Variants in PALS2 observed in about 807,000 individuals in gnomAD.
PALS2 encodes protein associated with LIN7 2, MAGUK p55 family member, also known as protein PALS2.
PALS2 carries 27 observed loss-of-function variants against 61.6 expected under a neutral mutation model. The observed-to-expected ratio is 0.44, with a 90% CI of 0.32 to 0.60. PALS2 has a LOEUF of 0.60. Among genes scored for constraint, PALS2 ranks in the 20% least tolerant of loss-of-function variants. The probability of loss-of-function intolerance (pLI) is 0.05; values close to 1 mark genes in which losing one functional copy is unlikely to be tolerated. For synonymous variants in PALS2, 236 were observed against 218.6 expected, an observed-to-expected ratio of 1.08 and a Z score of -0.70; for missense variants, 554 against 639.4, an observed-to-expected ratio of 0.87 and a Z score of 1.44.
In PALS2 at chr7:24,576,949, G is replaced by A. The variant is rs114060802; in HGVS notation, c.-3+3356G>A. Among the ~76,000 whole-genome samples, 789 of 152,254 alleles carry A rather than the reference G, an allele frequency of 5.2e-3. 7 individuals carry two copies. The highest frequency in any genetic ancestry group is 0.017 in the African/African-American group (722 of 41,540). On this transcript the variant is annotated intron_variant, in intron 1 of 11. Coordinates refer to ENST00000222644, the MANE Select transcript of PALS2 (RefSeq NM_001303037.2). ...TAAGCTGTGACCATTATTACCAGGTGTAATAAAGTCAAAAGCCTGGTTTCT... is the reference window on the plus strand; with the variant it reads ...TAAGCTGTGACCATTATTACCAGGTATAATAAAGTCAAAAGCCTGGTTTCT...
intron 3 of PALS2, among the ~76,000 whole-genome samples, chr7:24,648,482 C>CAA (rs1402008816): frequency 6.6e-6 from 1 of 151,532 alleles, no homozygotes; most frequent in Admixed American, 6.6e-5. Context: ...TTAGTAGAGA[C>CAA]AGAGTGTTGC....
chr7:24,592,161 T>C (rs1783313083), intron 1 of PALS2, among the ~76,000 whole-genome samples: 1 of 152,112 alleles, frequency 6.6e-6, no homozygotes, highest in Non-Finnish European at 1.5e-5. Flanking sequence ...TCTGTAAGTA[T>C]CGATTATTGG....
chr7:24,649,654 G>A lies in PALS2; in HGVS notation c.313G>A (p.Asp105Asn), dbSNP rs200245739. The A allele has an allele frequency of 6.2e-7, 1 of 1,611,716 alleles. No homozygotes were observed. The highest frequency in any genetic ancestry group is 2.2e-5 in the East Asian group (1 of 44,676). The change falls in exon 4 of 12, where the codon GAT (aspartate) becomes AAT (asparagine). Residue 105 changes from aspartate (D) to asparagine (N), a missense_variant. Transcript: ENST00000222644. ...TGATATTGTGGCATCAAAGTGTTAT[G>A]ATTCACCTCCATCAAGCCCAGAAAT... is the stretch of plus-strand genomic sequence containing the variant. ...AHDIVASKCY[D>N]SPPSSPEMNN...
chr7:24,621,327 T>G (rs1448954819), intron 1 of PALS2, among the ~76,000 whole-genome samples: 1 of 152,106 alleles, frequency 6.6e-6, no homozygotes, highest in Non-Finnish European at 1.5e-5. Context: ...AGATCAGGGA[T>G]AGAAGACAGG....
At chr7:24,592,976 T>C (rs1311243449) in intron 1 of PALS2, among the ~76,000 whole-genome samples, 2 of 152,092 alleles carry the variant, frequency 1.3e-5, no homozygotes, top group Admixed American at 6.6e-5. Context: ...TAGACTCTTT[T>C]TTCATGAAAG....
intron 2 of PALS2, among the ~76,000 whole-genome samples, chr7:24,624,978 G>A (rs1392668355): frequency 6.6e-6 from 1 of 152,036 alleles, no homozygotes; most frequent in African/African-American, 2.4e-5. Context: ...AAGTAGAAAC[G>A]AATCCATTTG....
chr7:24,615,614 A>G (rs1784267945), intron 1 of PALS2, among the ~76,000 whole-genome samples: 1 of 151,856 alleles, frequency 6.6e-6, no homozygotes, highest in Non-Finnish European at 1.5e-5. Context: ...GACTCCCAAC[A>G]AAGGAAAGTC....
In PALS2 at chr7:24,573,575, GC is replaced by G. The variant is rs1199691678; in HGVS notation, c.-20del. ...GAGCGGCGGCAGCGGCGGCGCGGAG[GC>G]GGCTGAGGTGCGAGCCGGTGAGTTA... On this transcript the variant is annotated 5_prime_UTR_variant, in exon 1 of 12. Coordinates refer to ENST00000222644, the MANE Select transcript of PALS2 (RefSeq NM_001303037.2). This position sits in a 1 kb window ranked among gnomAD's most constrained non-coding sequence, Gnocchi z 5.3. 16 of 385,098 alleles carry G rather than the reference GC, an allele frequency of 4.2e-5. No individual in the cohort carries two copies. The East Asian group carries it at 5.9e-4, about 14-fold the overall frequency. 23.9% of individuals were successfully genotyped at this position (385,098 alleles called of 1,614,324 possible). A position where few individuals can be genotyped will look rare whatever the true frequency, so the allele number is the denominator to read the frequency against.
At chr7:24,661,811 T>G (rs1175401275) in intron 5 of PALS2, among the ~76,000 whole-genome samples, 1 of 152,200 alleles carries the variant, frequency 6.6e-6, no homozygotes, top group Non-Finnish European at 1.5e-5. Context: ...AAGTCTGGCT[T>G]TATTTATGCA....
At chr7:24,631,669 A>G (rs977818994) in intron 2 of PALS2, among the ~76,000 whole-genome samples, 1 of 152,166 alleles carries the variant, frequency 6.6e-6, no homozygotes, top group African/African-American at 2.4e-5. Context: ...CAATGTGGCA[A>G]ACCTTATTAT....
rs1425439722 is a variant in PALS2 at position 24,689,380 on chromosome 7, T to A, written c.*1766T>A. On this transcript the variant is annotated 3_prime_UTR_variant, in exon 12 of 12. Coordinates refer to ENST00000222644, the MANE Select transcript of PALS2 (RefSeq NM_001303037.2). ...TATTGATGGTCATCTTTGTCTGGTG[T>A]TAGGTGCCAGACACCTGGCTGCTGA... The A allele has an allele frequency of 6.6e-6, 1 of 152,214 alleles. No homozygotes were observed. Among genetic ancestry groups the A allele is most frequent in the Non-Finnish European group, 1.5e-5 (1 of 68,034 alleles). The allele number at this position is 152,214 out of a possible 1,614,324, so 9.4% of individuals were successfully genotyped here. A position where few individuals can be genotyped will look rare whatever the true frequency, so the allele number is the denominator to read the frequency against.
chr7:24,691,977 A>C lies in PALS2; in HGVS notation c.*4363A>C, dbSNP rs1001220420. ...GCATCTTGTCAGTTTTTATGCAAGC[A>C]TATATTGTATACCTGAGGAAGATGA... is the stretch of plus-strand genomic sequence containing the variant. On this transcript the variant is annotated 3_prime_UTR_variant, in exon 12 of 12. Transcript: ENST00000222644. 2 of 152,150 alleles carry C rather than the reference A, an allele frequency of 1.3e-5. No homozygotes were observed. The highest frequency in any genetic ancestry group is 4.8e-5 in the African/African-American group (2 of 41,448). 9.4% of individuals were successfully genotyped at this position (152,150 alleles called of 1,614,324 possible). A position where few individuals can be genotyped will look rare whatever the true frequency, so the allele number is the denominator to read the frequency against.
chr7:24,579,682 A>G (rs756364088), intron 1 of PALS2, among the ~76,000 whole-genome samples: 36 of 152,188 alleles, frequency 2.4e-4, no homozygotes, highest in Non-Finnish European at 4.4e-4. Context: ...AGCACTAAGT[A>G]AAGATTTAAT....
At chr7:24,665,139 G>A (rs1220788888) in intron 6 of PALS2, among the ~76,000 whole-genome samples, 2 of 152,042 alleles carry the variant, frequency 1.3e-5, no homozygotes, top group Non-Finnish European at 2.9e-5. Flanking sequence ...GACTCCTGGT[G>A]GCATAAATTA....
At chr7:24,660,158 G>A (rs1786641856) in intron 5 of PALS2, among the ~76,000 whole-genome samples, 1 of 152,112 alleles carries the variant, frequency 6.6e-6, no homozygotes, top group South Asian at 2.1e-4. Flanking sequence ...ATGTTGGAGG[G>A]TCCTTGTTAC....
At chr7:24,652,891 G>T (rs115720317) in intron 5 of PALS2, among the ~76,000 whole-genome samples, 1 of 152,174 alleles carries the variant, frequency 6.6e-6, no homozygotes, top group Admixed American at 6.5e-5. Flanking sequence ...TAAAAGTCCA[G>T]AATCTGCTAT....
intron 1 of PALS2, among the ~76,000 whole-genome samples, chr7:24,595,088 TGA>T (rs995238192): frequency 4.0e-5 from 6 of 151,554 alleles, no homozygotes; most frequent in African/African-American, 1.5e-4. Context: ...TGAGAGATGA[TGA>T]GAGAGTGAAC....
intron 1 of PALS2, among the ~76,000 whole-genome samples, chr7:24,623,230 A>G (rs1195072306): frequency 1.4e-5 from 2 of 139,136 alleles, no homozygotes; most frequent in Non-Finnish European, 3.1e-5. Flanking sequence ...GGAGTTTGTG[A>G]AGTATTGGTT....
intron 2 of PALS2, among the ~76,000 whole-genome samples, chr7:24,632,818 G>A (rs947525542): frequency 6.6e-6 from 1 of 151,418 alleles, no homozygotes; most frequent in Non-Finnish European, 1.5e-5. Flanking sequence ...TTTTCCTTGT[G>A]TCTCTCACTC....
Sources: allele counts gnomAD v4.1 joint callset (sites outside exome capture counted in the v4.1 genomes callset), GRCh38; gene constraint gnomAD v4.1.1; non-coding constraint Gnocchi (gnomAD v3.1); transcripts MANE v1.5; gene names NCBI Gene and HGNC (gene_info 2026-07-23, HGNC 2026-07-21).